KRT86: variants seen among roughly 807,000 people sequenced by gnomAD.
The protein encoded by KRT86 is keratin 86.
KRT86 carries 30 observed loss-of-function variants against 41.2 expected under a neutral mutation model. The observed-to-expected ratio is 0.73, with a 90% confidence interval of 0.54 to 0.99. The LOEUF is 0.99. Ranked by LOEUF, KRT86 falls within the 50% of genes least tolerant of loss-of-function variation. The pLI is 0.00. For synonymous variants in KRT86, 238 were observed against 238.1 expected, an observed-to-expected ratio of 1.00 and a Z score of 0.00; for missense variants, 561 against 571.4, an observed-to-expected ratio of 0.98 and a Z score of 0.19.
chr12:52,286,309 A>G, intron 2 of KRT86: 1 of 1,554,452 alleles, frequency 6.4e-7, no homozygotes. Context: ...AGCTGATACC[A>G]CAGGAGCCCA....
At chr12:52,297,169 C>T (rs1043187767) in intron 2 of KRT86, among the ~76,000 whole-genome samples, 1 of 152,244 alleles carries the variant, frequency 6.6e-6, no homozygotes, top group African/African-American at 2.4e-5. Flanking sequence ...CTCACCCTTT[C>T]CAGGGAGCCT....
At chr12:52,288,643 G>A (rs1938045594) in intron 2 of KRT86, among the ~76,000 whole-genome samples, 1 of 152,018 alleles carries the variant, frequency 6.6e-6, no homozygotes, top group Non-Finnish European at 1.5e-5. Flanking sequence ...GACAAACCCT[G>A]TTTGCCTTGA....
chr12:52,306,517 C>A, intron 9 of KRT86: 1 of 666,730 alleles, frequency 1.5e-6, no homozygotes, highest in South Asian at 2.0e-5. Context: ...AGTAATCTGG[C>A]AGCAGGTATT....
intron 2 of KRT86, among the ~76,000 whole-genome samples, chr12:52,276,552 G>A (rs1942562528): frequency 6.6e-6 from 1 of 151,312 alleles, no homozygotes; most frequent in Non-Finnish European, 1.5e-5. Flanking sequence ...GAGAAAAGGT[G>A]CTGAGTCAAT....
At chr12:52,288,254 C>T (rs1938024672) in intron 2 of KRT86, 1 of 1,600,920 alleles carries the variant, frequency 6.2e-7, no homozygotes, top group African/African-American at 1.3e-5. Context: ...TGCCCCCTCA[C>T]ACAGCCTCAG....
chr12:52,286,835 G>A (rs901024465), intron 2 of KRT86: 1 of 1,613,710 alleles, frequency 6.2e-7, no homozygotes, highest in African/African-American at 1.3e-5. Context: ...GAGGGCAAAA[G>A]AGAAAAAGGC....
chr12:52,302,034 G>A lies in KRT86; in HGVS notation c.118G>A (p.Gly40Ser), dbSNP rs992086332. The A allele has an allele frequency of 1.1e-5, 18 of 1,609,576 alleles. No individual in the cohort carries two copies. The highest frequency in any genetic ancestry group is 1.4e-5 in the Non-Finnish European group (17 of 1,178,318). ...CTACCGTGGCATCTCCTGCTACCGC[G>A]GCCTCACCGGGGGCTTCGGCAGCCA... ...APYRGISCYR[G>S]LTGGFGSHSV... The change falls in exon 3 of 11, where the codon GGC becomes AGC. Residue 40 changes from glycine (G) to serine (S), a missense_variant. Around this residue, in one of 3 missense-constraint regions of KRT86, gnomAD observed 164 missense variants for 172.5 expected, o/e 0.95. Coordinates refer to ENST00000423955, the MANE Select transcript of KRT86 (RefSeq NM_001320198.2).
chr12:52,282,658 A>G (rs1937802837), intron 2 of KRT86, among the ~76,000 whole-genome samples: 1 of 152,184 alleles, frequency 6.6e-6, no homozygotes, highest in Non-Finnish European at 1.5e-5. Context: ...TAGGGGTTAG[A>G]GCAAGGGCTC....
At chr12:52,288,623 T>C (rs1938044939) in intron 2 of KRT86, among the ~76,000 whole-genome samples, 1 of 152,054 alleles carries the variant, frequency 6.6e-6, no homozygotes, top group African/African-American at 2.4e-5. Flanking sequence ...GCATCCTCTG[T>C]CCCTCTGATG....
At chr12:52,301,414 G>C (rs3809172) in intron 2 of KRT86, among the ~76,000 whole-genome samples, 17,229 of 151,712 alleles carry the variant, frequency 0.11, 1,037 homozygotes, top group African/African-American at 0.13. Flanking sequence ...ACCACCAAGC[G>C]CCCCCCAAGT....
chr12:52,279,774 G>A (rs756840670), intron 2 of KRT86, among the ~76,000 whole-genome samples: 2 of 152,216 alleles, frequency 1.3e-5, no homozygotes, highest in Non-Finnish European at 2.9e-5. Flanking sequence ...GTTCATTCAT[G>A]CAGAAGAGTC....
rs137888857 is a variant in KRT86, at chr12:52,288,124, T to C, written c.-5+12178T>C. The C allele has an allele frequency of 5.4e-5, 87 of 1,614,014 alleles. No individual in the cohort carries two copies. The African/African-American group carries it at 1.1e-3, about 21-fold the overall frequency. ...TTGACAACCACGGAGGTGTCTGAGA[T>C]GTGCGACTGGAGAATGAGGATCTCC... On this transcript the variant is annotated intron_variant, in intron 2 of 10. Transcript: ENST00000423955.
intron 2 of KRT86, among the ~76,000 whole-genome samples, chr12:52,299,509 G>A (rs914482104): frequency 1.3e-5 from 2 of 152,152 alleles, no homozygotes; most frequent in Non-Finnish European, 2.9e-5. Context: ...TTAGCTTTTG[G>A]AGGACACTCC....
chr12:52,276,344 A>G lies in KRT86; in HGVS notation c.-5+398A>G, dbSNP rs1190085538. Among the ~76,000 whole-genome samples the G allele has an allele frequency of 7.2e-5, 11 of 152,202 alleles. No homozygotes were observed. In the East Asian group the frequency reaches 1.9e-3, roughly 27 times the overall value. On this transcript the variant is annotated intron_variant, in intron 2 of 10. Coordinates refer to ENST00000423955, the MANE Select transcript of KRT86 (RefSeq NM_001320198.2). ...TATTTCAAAATGTGAAGATCTGGCA[A>G]TGTTAAATTATGATTCTCAAATGGC...
At chr12:52,281,283 G>C (rs955718333) in intron 2 of KRT86, among the ~76,000 whole-genome samples, 6 of 152,226 alleles carry the variant, frequency 3.9e-5, no homozygotes, top group Non-Finnish European at 7.3e-5. Flanking sequence ...TGAGTCCTCT[G>C]TTGGCTCTGC....
chr12:52,282,420 T>G (rs918470515), intron 2 of KRT86, among the ~76,000 whole-genome samples: 14 of 151,928 alleles, frequency 9.2e-5, no homozygotes, highest in African/African-American at 3.1e-4. Context: ...GTATTTTTAG[T>G]AGAGACGATG....
At chr12:52,286,200 C>T (rs1192427126) in intron 2 of KRT86, 6 of 1,465,724 alleles carry the variant, frequency 4.1e-6, no homozygotes, top group Non-Finnish European at 4.7e-6. Context: ...ACTGGATGGG[C>T]CAAGCAAGGC....
chr12:52,275,061 AAT>A (rs1242253805), intron 1 of KRT86: 2 of 152,136 alleles, frequency 1.3e-5, no homozygotes, highest in African/African-American at 4.8e-5. Flanking sequence ...TGGTGGATGG[AAT>A]GAGCCCCAGT....
intron 2 of KRT86, chr12:52,287,341 A>G (rs757456984): frequency 4.3e-6 from 7 of 1,613,892 alleles, no homozygotes; most frequent in Non-Finnish European, 5.1e-6. Flanking sequence ...AACAGAAAGA[A>G]CAAGGTAGAT....
Sources: gnomAD v4.1 joint callset for allele counts (sites outside exome capture counted in the v4.1 genomes callset) on GRCh38, gnomAD v4.1.1 for gene constraint, gnomAD v4.1.1 regional missense constraint, MANE v1.5 for transcripts, NCBI Gene and HGNC (gene_info 2026-07-23, HGNC 2026-07-21) for gene names.